The following CLSTN2 variants were observed in gnomAD, a reference collection of about 807,000 sequenced individuals.
CLSTN2 encodes the protein calsyntenin-2.
A neutral mutation model predicts 101.2 loss-of-function variants in CLSTN2; 48 were observed. The ratio of observed to expected loss-of-function variants is 0.47; its 90% confidence interval spans 0.38 to 0.60. The LOEUF is 0.60. Among genes scored for constraint, CLSTN2 ranks in the 20% least tolerant of loss-of-function variants. The pLI, the probability that CLSTN2 is intolerant of heterozygous loss-of-function variation, is 0.00. For missense variants in CLSTN2, 1,160 were observed against 1,238.2 expected (o/e 0.94, Z 0.95); for synonymous variants, 481 against 463.6 (o/e 1.04, Z -0.48).
chr3:140,529,057 T>C (rs542874875), intron 8 of CLSTN2, among the ~76,000 whole-genome samples: 3 of 152,286 alleles, frequency 2.0e-5, no homozygotes, highest in Admixed American at 1.3e-4. Flanking sequence ...AACTTCCAAT[T>C]TGGCCACTTA....
chr3:140,417,106 C>T (rs1224313515), intron 4 of CLSTN2, among the ~76,000 whole-genome samples: 1 of 152,174 alleles, frequency 6.6e-6, no homozygotes, highest in East Asian at 1.9e-4. Context: ...GCCAAATTTT[C>T]AATAGTTTTT....
In CLSTN2 at chr3:140,574,609, A is replaced by G. The variant is rs1369807029; in HGVS notation, c.*8356A>G. On this transcript the variant is annotated 3_prime_UTR_variant, in exon 17 of 17. Coordinates refer to ENST00000458420, the MANE Select transcript of CLSTN2 (RefSeq NM_022131.3). ...AAGAGCCAAAATGCAGACAGTGTGT[A>G]TTAATCACAGACAACAGAAACGTGT... 6.6e-6 allele frequency: 1 copy of G among 152,244 alleles called. No homozygotes were observed. The highest frequency in any genetic ancestry group is 1.5e-5 in the Non-Finnish European group (1 of 68,048). The allele number at this position is 152,244 out of a possible 1,614,324, so 9.4% of individuals were successfully genotyped here.
intron 1 of CLSTN2, among the ~76,000 whole-genome samples, chr3:140,044,122 T>C (rs2107765103): frequency 6.6e-6 from 1 of 152,284 alleles, no homozygotes; most frequent in South Asian, 2.1e-4. Flanking sequence ...CCTTGGGCAG[T>C]ATGGCCATTT....
intron 1 of CLSTN2, among the ~76,000 whole-genome samples, chr3:140,061,365 A>G (rs1011339721): frequency 3.3e-5 from 5 of 152,192 alleles, no homozygotes; most frequent in African/African-American, 1.2e-4. Flanking sequence ...AGCTAAATCA[A>G]ACAGCCCAGT....
At chr3:140,534,308 C>T (rs1257776232) in intron 9 of CLSTN2, among the ~76,000 whole-genome samples, 39 of 152,110 alleles carry the variant, frequency 2.6e-4, no homozygotes, top group Admixed American at 2.6e-3. Context: ...TCAAGAGCCC[C>T]TCAGAAACCA....
At chr3:140,136,277 G>A (rs73868743) in intron 1 of CLSTN2, among the ~76,000 whole-genome samples, 2 of 152,116 alleles carry the variant, frequency 1.3e-5, no homozygotes. Flanking sequence ...TGTAGTTAGA[G>A]GATAGGCTGT....
intron 2 of CLSTN2, among the ~76,000 whole-genome samples, chr3:140,365,983 G>A (rs1443767751): frequency 6.6e-6 from 1 of 152,124 alleles, no homozygotes; most frequent in Non-Finnish European, 1.5e-5. Flanking sequence ...TTAGAAAGGG[G>A]GCTGGCACTT....
intron 2 of CLSTN2, among the ~76,000 whole-genome samples, chr3:140,272,012 A>T (rs1413143043): frequency 1.3e-5 from 2 of 152,232 alleles, no homozygotes; most frequent in Non-Finnish European, 2.9e-5. Flanking sequence ...AGCGGTGTTT[A>T]GAGCAGCTAC....
At chr3:140,546,331 AG>A (rs905964674) in intron 9 of CLSTN2, among the ~76,000 whole-genome samples, 183 bp from the exon 10 acceptor site, 1 of 152,242 alleles carries the variant, frequency 6.6e-6, no homozygotes, top group African/African-American at 2.4e-5. Flanking sequence ...AGGGAATGCC[AG>A]GGTATTAGCA....
chr3:140,467,010 G>A (rs1274037435), intron 8 of CLSTN2, among the ~76,000 whole-genome samples: 1 of 152,218 alleles, frequency 6.6e-6, no homozygotes, highest in Non-Finnish European at 1.5e-5. Context: ...CATCGAGCTT[G>A]TGGAAGCCAG....
chr3:140,556,379 C>A (rs939383355), intron 10 of CLSTN2, 134 bp from the exon 11 acceptor site: 2 of 785,660 alleles, frequency 2.5e-6, no homozygotes, highest in Non-Finnish European at 4.3e-6. Flanking sequence ...TTTGTACACA[C>A]AACTGTGTCA....
chr3:140,076,625 G>GTTTTT (rs35645750), intron 1 of CLSTN2, among the ~76,000 whole-genome samples: 1,976 of 38,062 alleles, frequency 0.052, 284 homozygotes, highest in Admixed American at 0.15. Context: ...CACCAGCAGT[G>GTTTTT]TTTTTTTTTT....
At chr3:140,095,784 C>T (rs13061767) in intron 1 of CLSTN2, among the ~76,000 whole-genome samples, 17,899 of 152,150 alleles carry the variant, frequency 0.12, 1,442 homozygotes, top group Middle Eastern at 0.19. Context: ...TGACCAGTGA[C>T]GAACATCTGT....
Position 140,466,611 on chromosome 3 carries a change from A to G in CLSTN2, c.1224A>G (p.Glu408=). The G allele has an allele frequency of 6.2e-7, 1 of 1,614,116 alleles. No individual in the cohort carries two copies. The highest frequency in any genetic ancestry group is 1.1e-5 in the South Asian group (1 of 91,084). Residue 408 remains glutamate (E), a splice_region_variant and synonymous_variant, in exon 8 of 17, where the codon GAA becomes GAG. Coordinates refer to ENST00000458420, the MANE Select transcript of CLSTN2 (RefSeq NM_022131.3). ...ETILCNSDKT[E]MNRHHYALYV... ...TCAAACCTTCTTTCTGCTTTTCAGA[A>G]ATGAACCGGCATCACTATGCCCTGT...
At chr3:140,190,530 C>A (rs2010545148) in intron 2 of CLSTN2, among the ~76,000 whole-genome samples, 1 of 150,608 alleles carries the variant, frequency 6.6e-6, no homozygotes, top group Non-Finnish European at 1.5e-5. Flanking sequence ...TGACATCTTA[C>A]CTCGTTGTGT....
intron 1 of CLSTN2, among the ~76,000 whole-genome samples, chr3:140,144,256 AT>A (rs2107810626): frequency 6.6e-6 from 1 of 152,328 alleles, no homozygotes; most frequent in East Asian, 1.9e-4. Flanking sequence ...CCAAATGAGG[AT>A]TGATGTTAAA....
intron 1 of CLSTN2, among the ~76,000 whole-genome samples, chr3:139,936,973 T>G (rs542238548): frequency 6.6e-6 from 1 of 152,260 alleles, no homozygotes; most frequent in East Asian, 1.9e-4. Flanking sequence ...AAGAAGTGGC[T>G]GATATGAAGG....
At chr3:140,034,001 T>C (rs946421725) in intron 1 of CLSTN2, among the ~76,000 whole-genome samples, 2 of 152,224 alleles carry the variant, frequency 1.3e-5, no homozygotes, top group African/African-American at 4.8e-5. Context: ...TGCACCAATG[T>C]ACATTTTCAA....
intron 2 of CLSTN2, among the ~76,000 whole-genome samples, chr3:140,245,234 C>A (rs2086505802): frequency 6.6e-6 from 1 of 152,132 alleles, no homozygotes; most frequent in Admixed American, 6.5e-5. Context: ...ATAACTAAAT[C>A]TAAGTAGGTC....
Sources: allele counts gnomAD v4.1 joint callset (sites outside exome capture counted in the v4.1 genomes callset), GRCh38; gene constraint gnomAD v4.1.1; transcripts MANE v1.5; gene names NCBI Gene and HGNC (gene_info 2026-07-23, HGNC 2026-07-21).